Variants in LINGO2 observed in about 807,000 individuals in gnomAD.
LINGO2 encodes the protein leucine rich repeat and Ig domain containing 2, also known as leucine-rich repeat and immunoglobulin-like domain-containing nogo receptor-interacting protein 2.
In LINGO2, 14 loss-of-function variants were observed where a neutral mutation model predicts 30.6. That is an observed-to-expected ratio of 0.46 (90% CI 0.30 to 0.72). LINGO2 has a LOEUF of 0.72. Ranked by LOEUF, LINGO2 falls within the 30% of genes least tolerant of loss-of-function variation. LINGO2 has a pLI of 0.07. For synonymous variants in LINGO2, 317 were observed against 288.5 expected (o/e 1.10, Z -1.00); for missense variants, 729 against 751.7 (o/e 0.97, Z 0.35).
chr9:28,319,828 G>A (rs1402842472), intron 3 of LINGO2, among the ~76,000 whole-genome samples: 2 of 152,084 alleles, frequency 1.3e-5, no homozygotes, highest in African/African-American at 2.4e-5. Context: ...TCATAGAACT[G>A]AATCCTAAAA....
chr9:28,021,029 T>C (rs1362409132), intron 4 of LINGO2, among the ~76,000 whole-genome samples: 1 of 152,126 alleles, frequency 6.6e-6, no homozygotes, highest in Non-Finnish European at 1.5e-5. Flanking sequence ...TTCTTTCCAT[T>C]GCATTGATTT....
chr9:28,814,453 A>C, the LINGO2 span, among the ~76,000 whole-genome samples: 5 of 152,190 alleles, frequency 3.3e-5, no homozygotes, highest in Non-Finnish European at 7.3e-5. Context: ...CGAATAAAAA[A>C]AATAAGACTT....
chr9:28,679,727 A>G, the LINGO2 span, among the ~76,000 whole-genome samples: 2 of 152,076 alleles, frequency 1.3e-5, no homozygotes, highest in Admixed American at 1.3e-4. Context: ...AGAAAGTGTT[A>G]TACTAAAGCC....
At chr9:28,637,528 G>A (rs1827341296) in intron 1 of LINGO2, among the ~76,000 whole-genome samples, 1 of 152,174 alleles carries the variant, frequency 6.6e-6, no homozygotes, top group East Asian at 1.9e-4. Context: ...CCTTGAAGAG[G>A]TCCTTCACAT....
the LINGO2 span, among the ~76,000 whole-genome samples, chr9:28,921,387 C>A: frequency 1.3e-5 from 2 of 152,130 alleles, no homozygotes; most frequent in Non-Finnish European, 2.9e-5. Context: ...TTCGTAGGAC[C>A]AATCAGAGTC....
At chr9:28,722,332 C>T in the LINGO2 span, among the ~76,000 whole-genome samples, 1 of 152,034 alleles carries the variant, frequency 6.6e-6, no homozygotes, top group East Asian at 1.9e-4. Context: ...ATTTTGAAAT[C>T]TTTTGTTTGA....
intron 3 of LINGO2, among the ~76,000 whole-genome samples, chr9:28,350,044 C>G (rs956562881): frequency 6.6e-6 from 1 of 151,886 alleles, no homozygotes; most frequent in African/African-American, 2.4e-5. Context: ...GCTGCAAAAT[C>G]ATGCCAAAAT....
intron 4 of LINGO2, among the ~76,000 whole-genome samples, chr9:28,262,438 T>C (rs968270244): frequency 1.1e-4 from 16 of 151,780 alleles, no homozygotes; most frequent in African/African-American, 3.4e-4. Context: ...TATTTTAAAA[T>C]AGAAAGAAAG....
chr9:29,061,351 A>G, the LINGO2 span, among the ~76,000 whole-genome samples: 1 of 152,032 alleles, frequency 6.6e-6, no homozygotes, highest in Admixed American at 6.6e-5. Context: ...TAGGACTCAC[A>G]TGAAATCTCA....
chr9:28,291,679 A>G (rs1053882380), intron 4 of LINGO2, among the ~76,000 whole-genome samples: 1 of 152,228 alleles, frequency 6.6e-6, no homozygotes, highest in Non-Finnish European at 1.5e-5. Flanking sequence ...GAGTAAAAAT[A>G]TATTTTTTAA....
At chr9:28,635,468 G>C (rs1228705949) in intron 1 of LINGO2, among the ~76,000 whole-genome samples, 1 of 152,114 alleles carries the variant, frequency 6.6e-6, no homozygotes, top group African/African-American at 2.4e-5. Flanking sequence ...GAAAAGTGTA[G>C]AGAGTATTCA....
At position 27,999,027 on chromosome 9, in the gene LINGO2, A is replaced by C. The variant is rs531507895; in HGVS notation, c.-36+13328T>G. 7.0e-4 allele frequency among the ~76,000 whole-genome samples: 107 copies of C among 152,278 alleles called. 1 individual carries two copies. Among genetic ancestry groups the C allele is most frequent in the African/African-American group, 2.5e-3 (104 of 41,568 alleles). ...TTTGGTATCTGGTTAAAATCTTGGC[A>C]CAGTAGAGAATTTATGTGCACCTAG... On this transcript the variant is annotated intron_variant, in intron 5 of 5. Coordinates refer to ENST00000379992, the Ensembl canonical transcript of LINGO2.
At chr9:28,513,953 C>A (rs1820517546) in intron 1 of LINGO2, among the ~76,000 whole-genome samples, 1 of 152,164 alleles carries the variant, frequency 6.6e-6, no homozygotes, top group African/African-American at 2.4e-5. Flanking sequence ...ACCATTTTTC[C>A]AACAGCATGT....
chr9:28,576,991 AAAC>A (rs2135627279), intron 1 of LINGO2, among the ~76,000 whole-genome samples: 1 of 152,286 alleles, frequency 6.6e-6, no homozygotes, highest in South Asian at 2.1e-4. Context: ...GATCTGACTT[AAAC>A]AACTCCATCT....
At chr9:28,596,685 A>C (rs536786621) in intron 1 of LINGO2, among the ~76,000 whole-genome samples, 1 of 152,206 alleles carries the variant, frequency 6.6e-6, no homozygotes, top group Non-Finnish European at 1.5e-5. Flanking sequence ...TATTCTCAAC[A>C]ATGTATGATA....
At chr9:28,995,778 C>A in the LINGO2 span, among the ~76,000 whole-genome samples, 1 of 151,890 alleles carries the variant, frequency 6.6e-6, no homozygotes, top group African/African-American at 2.4e-5. Flanking sequence ...GGACAAAAAA[C>A]CAAACACCGC....
chr9:28,865,750 C>T, the LINGO2 span, among the ~76,000 whole-genome samples: 85 of 152,148 alleles, frequency 5.6e-4, no homozygotes, highest in African/African-American at 2.0e-3. Context: ...TGCCACTGCG[C>T]TCCAGCCTGG....
At chr9:28,313,850 T>A (rs529435643) in intron 3 of LINGO2, among the ~76,000 whole-genome samples, 2 of 152,346 alleles carry the variant, frequency 1.3e-5, no homozygotes, top group South Asian at 4.1e-4. Context: ...TCTGAAGGGT[T>A]CTTATTTGAA....
At chr9:29,201,944 C>A in the LINGO2 span, among the ~76,000 whole-genome samples, 2 of 151,890 alleles carry the variant, frequency 1.3e-5, no homozygotes, top group Non-Finnish European at 2.9e-5. Context: ...AATTTGAAAC[C>A]AAATCTTAAA....
Sources: gnomAD v4.1 joint callset for allele counts (sites outside exome capture counted in the v4.1 genomes callset) on GRCh38, gnomAD v4.1.1 for gene constraint, MANE v1.5 for transcripts, NCBI Gene and HGNC (gene_info 2026-07-23, HGNC 2026-07-21) for gene names.